LRMDA: variants seen among roughly 807,000 people sequenced by gnomAD.
LRMDA encodes the protein leucine-rich melanocyte differentiation-associated protein.
Under a neutral mutation model 29.8 loss-of-function variants are expected in LRMDA, and 18 were observed. The observed-to-expected ratio is 0.60, with a 90% CI of 0.42 to 0.90. The LOEUF is 0.90. Ranked by LOEUF, LRMDA falls within the 40% of genes least tolerant of loss-of-function variation. The pLI is 0.00. For missense variants in LRMDA, 273 were observed against 273.9 expected, an observed-to-expected ratio of 1.00 and a Z score of 0.02; for synonymous variants, 125 against 109.4, an observed-to-expected ratio of 1.14 and a Z score of -0.89.
At chr10:76,056,056 A>T (rs1564640878) in intron 4 of LRMDA, among the ~76,000 whole-genome samples, 2 of 152,318 alleles carry the variant, frequency 1.3e-5, no homozygotes, top group East Asian at 3.9e-4. Context: ...ACACAATTGG[A>T]GGGTGAGCAA....
At chr10:75,526,717 G>T (rs1420615265) in intron 2 of LRMDA, among the ~76,000 whole-genome samples, 2 of 152,034 alleles carry the variant, frequency 1.3e-5, no homozygotes, top group African/African-American at 2.4e-5. Context: ...TTAGCTGGGT[G>T]TGGTGGCACA....
chr10:76,113,482 C>A (rs1008512224), intron 5 of LRMDA, among the ~76,000 whole-genome samples: 5 of 151,868 alleles, frequency 3.3e-5, no homozygotes, highest in Non-Finnish European at 5.9e-5. Flanking sequence ...GGGGAAAAAA[C>A]CAACCTGAGA....
intron 2 of LRMDA, among the ~76,000 whole-genome samples, chr10:75,518,385 A>G (rs1044868593): frequency 2.0e-5 from 3 of 152,198 alleles, no homozygotes; most frequent in African/African-American, 7.2e-5. Flanking sequence ...AGAGCCTGTT[A>G]TTGTTCTATT....
intron 5 of LRMDA, among the ~76,000 whole-genome samples, chr10:76,198,452 C>T (rs914647117): frequency 1.3e-5 from 2 of 152,182 alleles, no homozygotes; most frequent in African/African-American, 2.4e-5. Context: ...GCCTCTTATG[C>T]TGGGAACCTT....
chr10:76,262,363 C>T (rs73286997), intron 5 of LRMDA, among the ~76,000 whole-genome samples: 10,945 of 152,200 alleles, frequency 0.072, 1,282 homozygotes, highest in African/African-American at 0.25. Context: ...CTCATGTACG[C>T]GCTTCTCATC....
At chr10:75,555,487 G>A (rs1161456474) in intron 2 of LRMDA, among the ~76,000 whole-genome samples, 3 of 152,104 alleles carry the variant, frequency 2.0e-5, no homozygotes, top group Admixed American at 2.0e-4. Flanking sequence ...AATCTAAGCT[G>A]GACTTTGAAC....
intron 2 of LRMDA, among the ~76,000 whole-genome samples, chr10:75,944,968 CAATGTT>C (rs1282610270): frequency 1.3e-5 from 2 of 152,162 alleles, no homozygotes; most frequent in African/African-American, 4.8e-5. Context: ...TGGGTTATCT[CAATGTT>C]AATATCTACT....
chr10:75,639,042 T>G (rs1409799462), intron 2 of LRMDA, among the ~76,000 whole-genome samples: 1 of 152,226 alleles, frequency 6.6e-6, no homozygotes, highest in East Asian at 1.9e-4. Context: ...TACGTTTGCC[T>G]TTGAGATCTA....
intron 5 of LRMDA, among the ~76,000 whole-genome samples, chr10:76,302,301 G>A (rs1840491141): frequency 6.6e-6 from 1 of 152,190 alleles, no homozygotes. Context: ...TCCATCTTGA[G>A]AACCAGCATA....
At chr10:75,821,630 G>T (rs189748832) in intron 2 of LRMDA, among the ~76,000 whole-genome samples, 1 of 152,004 alleles carries the variant, frequency 6.6e-6, no homozygotes, top group African/African-American at 2.4e-5. Context: ...TTAGCTGGAC[G>T]TGGTGGTGGG....
At chr10:76,512,092 G>A (rs1212904910) in intron 6 of LRMDA, among the ~76,000 whole-genome samples, 1 of 152,162 alleles carries the variant, frequency 6.6e-6, no homozygotes, top group Non-Finnish European at 1.5e-5. Context: ...TCTCGTGGTA[G>A]TGAATAAGTC....
chr10:76,014,927 G>A (rs1275479956), intron 2 of LRMDA, among the ~76,000 whole-genome samples: 1 of 152,224 alleles, frequency 6.6e-6, no homozygotes, highest in African/African-American at 2.4e-5. Context: ...CTCTAGGAAA[G>A]GCTACCAGAG....
chr10:75,434,321 A>T (rs1844241743), intron 1 of LRMDA, among the ~76,000 whole-genome samples: 2 of 152,218 alleles, frequency 1.3e-5, no homozygotes, highest in Non-Finnish European at 2.9e-5. Context: ...CATTCCTGTA[A>T]GTACAATAGG....
chr10:75,658,517 G>GC (rs1452447462), intron 2 of LRMDA, among the ~76,000 whole-genome samples: 1 of 152,110 alleles, frequency 6.6e-6, no homozygotes, highest in African/African-American at 2.4e-5. Flanking sequence ...AAGTTCTGGA[G>GC]CGGGGTGGCT....
At chr10:76,014,806 C>T (rs927048949) in intron 2 of LRMDA, among the ~76,000 whole-genome samples, 1 of 152,150 alleles carries the variant, frequency 6.6e-6, no homozygotes, top group Non-Finnish European at 1.5e-5. Flanking sequence ...GATCAGTGAG[C>T]GTGGCTCAGC....
intron 2 of LRMDA, among the ~76,000 whole-genome samples, chr10:75,976,553 T>A (rs778632015): frequency 1.3e-5 from 2 of 152,228 alleles, no homozygotes; most frequent in Non-Finnish European, 2.9e-5. Flanking sequence ...CTTTCAATCC[T>A]ATGCCCCCTG....
chr10:76,378,002 T>C (rs185165832), intron 6 of LRMDA, among the ~76,000 whole-genome samples: 22 of 152,166 alleles, frequency 1.4e-4, no homozygotes, highest in African/African-American at 4.8e-4. Context: ...AATATTTGAC[T>C]TTTTAATCCA....
At chr10:76,289,850 T>A (rs950231476) in intron 5 of LRMDA, among the ~76,000 whole-genome samples, 3 of 152,184 alleles carry the variant, frequency 2.0e-5, no homozygotes, top group Non-Finnish European at 2.9e-5. Context: ...GTCTTTAGGT[T>A]TGGACACTTT....
chr10:75,976,181 C>G (rs769117727), intron 2 of LRMDA, among the ~76,000 whole-genome samples: 1 of 152,262 alleles, frequency 6.6e-6, no homozygotes, highest in South Asian at 2.1e-4. Context: ...CCCTGCAGAA[C>G]TCTCTCTACT....
Sources: allele counts gnomAD v4.1 joint callset (sites outside exome capture counted in the v4.1 genomes callset), GRCh38; gene constraint gnomAD v4.1.1; transcripts MANE v1.5; gene names NCBI Gene and HGNC (gene_info 2026-07-23, HGNC 2026-07-21).